XKR9: variants seen among roughly 807,000 people sequenced by gnomAD.
XKR9 encodes the protein XK-related protein 9.
Under a neutral mutation model 32.0 loss-of-function variants are expected in XKR9, and 32 were observed. The ratio of observed to expected loss-of-function variants is 1.00; its 90% CI spans 0.76 to 1.34. The LOEUF is 1.34. XKR9 is among the 40% of genes most tolerant of loss of function. The probability of loss-of-function intolerance (pLI) is 0.00; values close to 1 mark genes in which losing one functional copy is unlikely to be tolerated. For missense variants in XKR9, 546 were observed against 429.7 expected (o/e 1.27, Z -2.39); for synonymous variants, 168 against 143.4 (o/e 1.17, Z -1.22).
chr8:70,884,141 A>T, the XKR9 span, among the ~76,000 whole-genome samples: 1 of 152,118 alleles, frequency 6.6e-6, no homozygotes, highest in African/African-American at 2.4e-5. Flanking sequence ...GTCATATGGT[A>T]TGGAATGTGT....
the XKR9 span, among the ~76,000 whole-genome samples, chr8:70,924,064 T>C: frequency 1.3e-5 from 2 of 152,212 alleles, no homozygotes; most frequent in African/African-American, 4.8e-5. Context: ...CCTGATTTCA[T>C]TGCTAATTCC....
chr8:70,725,006 A>G (rs1806414542), intron 4 of XKR9, among the ~76,000 whole-genome samples: 2 of 152,186 alleles, frequency 1.3e-5, no homozygotes. Context: ...GAAACTTACA[A>G]TCATGGCAGA....
At chr8:70,848,803 G>T in the XKR9 span, among the ~76,000 whole-genome samples, 1 of 146,730 alleles carries the variant, frequency 6.8e-6, no homozygotes, top group Non-Finnish European at 1.5e-5. Flanking sequence ...TGCAATTCTA[G>T]TCTCTGATAA....
chr8:71,005,204 G>GT, the XKR9 span, among the ~76,000 whole-genome samples: 10 of 141,870 alleles, frequency 7.0e-5, no homozygotes, highest in African/African-American at 1.3e-4. Context: ...CTGGGGCTCA[G>GT]TTTTTTTTTC....
the XKR9 span, among the ~76,000 whole-genome samples, chr8:70,926,242 T>C: frequency 3.9e-5 from 6 of 152,152 alleles, no homozygotes; most frequent in Admixed American, 2.6e-4. Flanking sequence ...GCCCGGCTTT[T>C]GTAGTTTTAG....
the XKR9 span, among the ~76,000 whole-genome samples, chr8:70,940,458 T>A: frequency 2.0e-5 from 3 of 152,142 alleles, no homozygotes; most frequent in Non-Finnish European, 4.4e-5. Context: ...GGGCAAGTTC[T>A]AACTTCTCTG....
chr8:70,855,979 A>G, the XKR9 span, among the ~76,000 whole-genome samples: 1 of 152,216 alleles, frequency 6.6e-6, no homozygotes, highest in Non-Finnish European at 1.5e-5. Context: ...TGAAGGAAGC[A>G]CTAAACATGG....
chr8:70,934,884 C>T, the XKR9 span, among the ~76,000 whole-genome samples: 3,105 of 151,732 alleles, frequency 0.02, 36 homozygotes, highest in Middle Eastern at 0.044. Flanking sequence ...ATATTTACTT[C>T]TTTTAATATT....
the XKR9 span, among the ~76,000 whole-genome samples, chr8:70,918,637 G>A: frequency 6.6e-6 from 1 of 151,822 alleles, no homozygotes; most frequent in African/African-American, 2.4e-5. Flanking sequence ...AGATTGCACT[G>A]AGCTGAGATC....
At chr8:70,792,218 C>G (rs1202673625), downstream of XKR9, among the ~76,000 whole-genome samples, 1 of 151,820 alleles carries the variant, frequency 6.6e-6, no homozygotes, top group African/African-American at 2.4e-5. Flanking sequence ...TTTTCTTTTT[C>G]TGGGCATTAT....
intron 2 of XKR9, among the ~76,000 whole-genome samples, chr8:70,766,991 C>A (rs993841943): frequency 1.3e-5 from 2 of 152,176 alleles, no homozygotes; most frequent in Non-Finnish European, 2.9e-5. Flanking sequence ...CTGCTGGATA[C>A]AATTTGCCAC....
chr8:70,741,338 A>G (rs535393851), intron 2 of XKR9, among the ~76,000 whole-genome samples: 8 of 152,344 alleles, frequency 5.3e-5, no homozygotes, highest in African/African-American at 1.9e-4. Flanking sequence ...CCATGTTATG[A>G]TAGAGCAAAG....
the XKR9 span, among the ~76,000 whole-genome samples, chr8:70,895,979 G>T: frequency 2.0e-5 from 3 of 152,142 alleles, no homozygotes; most frequent in Non-Finnish European, 2.9e-5. Flanking sequence ...CTGCAATCCA[G>T]CCTGGGTGAC....
the XKR9 span, among the ~76,000 whole-genome samples, chr8:71,039,093 C>T: frequency 2.0e-5 from 3 of 152,104 alleles, no homozygotes; most frequent in South Asian, 2.1e-4. Flanking sequence ...CATGAGCCAC[C>T]GTGCCTGGCC....
chr8:70,716,895 C>T (rs969253794), intron 4 of XKR9, among the ~76,000 whole-genome samples: 1 of 152,174 alleles, frequency 6.6e-6, no homozygotes, highest in Admixed American at 6.5e-5. Context: ...TTAGTTACTT[C>T]CTAGATACAA....
the XKR9 span, among the ~76,000 whole-genome samples, chr8:70,837,822 C>T: frequency 1.3e-5 from 2 of 151,932 alleles, no homozygotes; most frequent in Non-Finnish European, 2.9e-5. Context: ...CTCTCTGTTT[C>T]TATACTTCAA....
At chr8:70,936,739 G>A in the XKR9 span, among the ~76,000 whole-genome samples, 1 of 151,990 alleles carries the variant, frequency 6.6e-6, no homozygotes, top group Non-Finnish European at 1.5e-5. Context: ...CAAATGCCCT[G>A]GATTGAGAAC....
intron 2 of XKR9, among the ~76,000 whole-genome samples, chr8:70,766,476 T>C (rs996600896): frequency 1.9e-4 from 29 of 152,222 alleles, no homozygotes; most frequent in African/African-American, 6.5e-4. Context: ...AAGTTGCTTA[T>C]TAGCTTAAGG....
the XKR9 span, among the ~76,000 whole-genome samples, chr8:70,840,889 T>G: frequency 1.3e-5 from 2 of 152,196 alleles, no homozygotes; most frequent in African/African-American, 4.8e-5. Context: ...AAACAAAGTG[T>G]TTATAAAAAA....
Sources: gnomAD v4.1 joint callset for allele counts (sites outside exome capture counted in the v4.1 genomes callset) on GRCh38, gnomAD v4.1.1 for gene constraint, MANE v1.5 for transcripts, NCBI Gene and HGNC (gene_info 2026-07-23, HGNC 2026-07-21) for gene names.